Variants in ARFGEF1 observed in about 807,000 individuals in gnomAD.
ARFGEF1 encodes ARF guanine nucleotide exchange factor 1, also known as brefeldin A-inhibited guanine nucleotide-exchange protein 1.
A neutral mutation model predicts 231.0 loss-of-function variants in ARFGEF1; 42 were observed. The observed-to-expected ratio is 0.18, with a 90% CI of 0.14 to 0.24. ARFGEF1 has a LOEUF of 0.24. Ranked by LOEUF, ARFGEF1 falls within the 10% of genes least tolerant of loss-of-function variation. The probability of loss-of-function intolerance (pLI) is 1.00; values close to 1 mark genes in which losing one functional copy is unlikely to be tolerated. For missense variants in ARFGEF1, 1,345 were observed against 2,192.0 expected (o/e 0.61, Z 7.72); for synonymous variants, 710 against 732.3 (o/e 0.97, Z 0.49).
At chr8:67,229,338 T>C (rs1839480549) in intron 23 of ARFGEF1, among the ~76,000 whole-genome samples, 1 of 152,094 alleles carries the variant, frequency 6.6e-6, no homozygotes. Flanking sequence ...GCAAAAGGTA[T>C]ATTCAACCCT....
chr8:67,204,605 T>TA (rs1228098186), intron 35 of ARFGEF1, 75 bp downstream of exon 35: 1 of 1,483,814 alleles, frequency 6.7e-7, no homozygotes, highest in Non-Finnish European at 9.0e-7. Context: ...TTCTCTAGCC[T>TA]AACTCTACAG....
intron 1 of ARFGEF1, among the ~76,000 whole-genome samples, chr8:67,311,300 C>T (rs1428331542): frequency 7.7e-6 from 1 of 129,202 alleles, no homozygotes; most frequent in Non-Finnish European, 1.7e-5. Flanking sequence ...GGGGGTCAGC[C>T]CCCCCGCCCG....
At chr8:67,216,797 A>C (rs76439675) in intron 32 of ARFGEF1, 135 bp from the exon 33 acceptor site, 3 of 536,470 alleles carry the variant, frequency 5.6e-6, no homozygotes, top group Non-Finnish European at 9.3e-6. Flanking sequence ...TGCTAATTTT[A>C]GCAATTTCCT....
intron 1 of ARFGEF1, among the ~76,000 whole-genome samples, chr8:67,312,887 G>A (rs1455012541): frequency 6.6e-6 from 1 of 152,046 alleles, no homozygotes; most frequent in African/African-American, 2.4e-5. Context: ...GTAATGCCTA[G>A]TACAACCACC....
intron 5 of ARFGEF1, among the ~76,000 whole-genome samples, chr8:67,186,033 A>G (rs1343859030): frequency 2.0e-5 from 3 of 152,244 alleles, no homozygotes; most frequent in Non-Finnish European, 2.9e-5. Context: ...TTCATTAATT[A>G]TGTGAAGAAT....
At chr8:67,279,154 C>A (rs1379830725) in intron 7 of ARFGEF1, among the ~76,000 whole-genome samples, 1 of 152,106 alleles carries the variant, frequency 6.6e-6, no homozygotes, top group African/African-American at 2.4e-5. Context: ...TGGAAAGACT[C>A]AGAAAAAAAC....
At chr8:67,202,977 G>T in intron 36 of ARFGEF1, 106 bp downstream of exon 36, 1 of 1,172,998 alleles carries the variant, frequency 8.5e-7, no homozygotes, top group Non-Finnish European at 1.2e-6. Context: ...TACATATAGT[G>T]ACATGCACAG....
chr8:67,298,106 T>A (rs933775731), intron 4 of ARFGEF1, among the ~76,000 whole-genome samples: 1 of 62,414 alleles, frequency 1.6e-5, no homozygotes, highest in African/African-American at 8.8e-5. Flanking sequence ...ATGCCCAGTA[T>A]TTTTTTTTTT....
chr8:67,225,088 G>A (rs1839326880), intron 28 of ARFGEF1, 55 bp from the exon 29 acceptor site: 2 of 1,411,580 alleles, frequency 1.4e-6, no homozygotes, highest in African/African-American at 1.5e-5. Context: ...CATACATTCA[G>A]TATACTAACT....
intron 19 of ARFGEF1, among the ~76,000 whole-genome samples, chr8:67,241,386 T>TA (rs916876045): frequency 2.6e-5 from 4 of 152,148 alleles, no homozygotes; most frequent in African/African-American, 9.7e-5. Context: ...AGCAATAACT[T>TA]ACACATTCTG....
intron 29 of ARFGEF1, among the ~76,000 whole-genome samples, chr8:67,222,021 G>A (rs1839182121): frequency 6.6e-6 from 1 of 150,588 alleles, no homozygotes; most frequent in Non-Finnish European, 1.5e-5. Context: ...CACTGTGTTA[G>A]CCAGGATGGT....
intron 1 of ARFGEF1, among the ~76,000 whole-genome samples, chr8:67,302,905 T>TAAAAAAAAAAAAA (rs1563902346): frequency 1.0e-4 from 10 of 100,232 alleles, no homozygotes; most frequent in African/African-American, 3.9e-4. Flanking sequence ...ACCCCATCTC[T>TAAAAAAAAAAAAA]TAAAAAAAAA....
intron 19 of ARFGEF1, 36 bp from the exon 20 acceptor site, chr8:67,240,326 TATG>T (rs1214560718): frequency 2.3e-5 from 35 of 1,534,392 alleles, no homozygotes; most frequent in African/African-American, 2.8e-5. Flanking sequence ...AATTAAAGAT[TATG>T]ATAACACATT....
intron 1 of ARFGEF1, among the ~76,000 whole-genome samples, chr8:67,334,777 A>C (rs1275432341): frequency 6.6e-6 from 1 of 152,222 alleles, no homozygotes; most frequent in African/African-American, 2.4e-5. Context: ...CCTCAAAAAC[A>C]TACTGAAAGA....
chr8:67,322,528 C>T (rs953369518), intron 1 of ARFGEF1, among the ~76,000 whole-genome samples: 2 of 152,114 alleles, frequency 1.3e-5, no homozygotes, highest in African/African-American at 4.8e-5. Context: ...GAGACCCCAT[C>T]ACTACAAAAA....
At chr8:67,274,174 G>C (rs907238943) in intron 9 of ARFGEF1, among the ~76,000 whole-genome samples, 2 of 152,000 alleles carry the variant, frequency 1.3e-5, no homozygotes, top group African/African-American at 4.8e-5. Flanking sequence ...GGAAATTTCA[G>C]GTCTGCAGTT....
Position 67,227,242 on chromosome 8 carries a change from T to C in ARFGEF1, c.3811A>G (p.Ile1271Val). ...AAAATGTTCTTCCATCCAGATCGAA[T>C]GTTAGCAGCTTGAGAATTAACCATC... is the stretch of plus-strand genomic sequence containing the variant. Reference protein sequence around the residue: ...AQMVNSQAANIRSGWKNIFSV... With the variant: ...AQMVNSQAANVRSGWKNIFSV... Residue 1271 changes from isoleucine (I) to valine (V), a missense_variant, in exon 27 of 39, where the codon ATT (isoleucine) becomes GTT (valine). By Grantham distance (29) the Ile-to-Val change is conservative. Around this residue, in one of 14 missense-constraint regions of ARFGEF1, gnomAD observed 142 missense variants for 227.3 expected, o/e 0.62. Coordinates refer to ENST00000262215, the MANE Select transcript of ARFGEF1 (RefSeq NM_006421.5). 1 of 1,613,050 alleles carries C rather than the reference T, an allele frequency of 6.2e-7. No homozygotes were observed. The highest frequency in any genetic ancestry group is 2.2e-5 in the East Asian group (1 of 44,850).
chr8:67,259,630 C>A (rs986285303), intron 15 of ARFGEF1, among the ~76,000 whole-genome samples, 185 bp downstream of exon 15: 3 of 152,032 alleles, frequency 2.0e-5, no homozygotes, highest in African/African-American at 7.2e-5. Flanking sequence ...TTTACAGAAA[C>A]GGGGCCAGGC....
chr8:67,264,096 T>C (rs1021298617), intron 14 of ARFGEF1, among the ~76,000 whole-genome samples: 3 of 152,126 alleles, frequency 2.0e-5, no homozygotes, highest in African/African-American at 7.2e-5. Flanking sequence ...TTATCATACC[T>C]TCAAAGCAGC....
Sources: gnomAD v4.1 joint callset for allele counts (sites outside exome capture counted in the v4.1 genomes callset) on GRCh38, gnomAD v4.1.1 for gene constraint, gnomAD v4.1.1 regional missense constraint, MANE v1.5 for transcripts, NCBI Gene and HGNC (gene_info 2026-07-23, HGNC 2026-07-21) for gene names.